Variants in SASH1 observed in about 807,000 individuals in gnomAD.
SASH1 encodes SAM and SH3 domain-containing protein 1.
Under a neutral mutation model 125.2 loss-of-function variants are expected in SASH1, and 44 were observed. The observed-to-expected ratio is 0.35, with a 90% confidence interval of 0.28 to 0.45. SASH1 has a LOEUF of 0.45. Ranked by LOEUF, SASH1 falls within the 20% of genes least tolerant of loss-of-function variation. SASH1 has a pLI of 1.00. For missense variants in SASH1, 1,426 were observed against 1,614.5 expected, an observed-to-expected ratio of 0.88 and a Z score of 2.00; for synonymous variants, 639 against 649.1, an observed-to-expected ratio of 0.98 and a Z score of 0.24.
intron 8 of SASH1, among the ~76,000 whole-genome samples, chr6:148,499,097 G>T (rs549623802): frequency 4.1e-4 from 58 of 139,876 alleles, no homozygotes; most frequent in African/African-American, 1.4e-3. Context: ...TCACTCTGTC[G>T]CCCAAGCTGG....
the SASH1 span, among the ~76,000 whole-genome samples, chr6:148,193,502 T>A: frequency 4.6e-5 from 7 of 152,216 alleles, no homozygotes; most frequent in African/African-American, 1.7e-4. Flanking sequence ...GCTAAAATGT[T>A]TGCTTCCCTG....
intron 11 of SASH1, among the ~76,000 whole-genome samples, chr6:148,526,712 A>C (rs1781184552): frequency 6.6e-6 from 1 of 152,188 alleles, no homozygotes; most frequent in Admixed American, 6.5e-5. Flanking sequence ...TTACACACTG[A>C]GTGCTATGGT....
At chr6:148,525,153 A>G (rs1220887776) in intron 10 of SASH1, 138 bp from the exon 11 acceptor site, 3 of 678,416 alleles carry the variant, frequency 4.4e-6, no homozygotes, top group African/African-American at 3.6e-5. Context: ...TTTTCTCATC[A>G]TTTCTCGTTT....
the SASH1 span, among the ~76,000 whole-genome samples, chr6:148,262,470 G>C: frequency 1.3e-5 from 2 of 152,076 alleles, no homozygotes; most frequent in Non-Finnish European, 2.9e-5. Context: ...CTCCCTGTTG[G>C]CTTGACAGTG....
chr6:148,334,850 T>C (rs577321783), intron 1 of SASH1, among the ~76,000 whole-genome samples: 1 of 150,422 alleles, frequency 6.6e-6, no homozygotes, highest in Non-Finnish European at 1.5e-5. Flanking sequence ...AGCGGGAACC[T>C]GTAATTCCAG....
At chr6:148,285,950 A>T (rs1165549978) in intron 1 of SASH1, among the ~76,000 whole-genome samples, 1 of 152,154 alleles carries the variant, frequency 6.6e-6, no homozygotes, top group African/African-American at 2.4e-5. Flanking sequence ...ATTGAAGTTT[A>T]GTTCTATAAG....
At position 148,389,655 on chromosome 6, in the gene SASH1, G is replaced by T. The variant is rs192059767; in HGVS notation, c.157-479G>T. 4.3e-3 allele frequency among the ~76,000 whole-genome samples: 652 copies of T among 152,260 alleles called. 4 individuals are homozygous for T. The highest frequency in any genetic ancestry group is 7.9e-3 in the South Asian group (38 of 4,824). On this transcript the variant is annotated intron_variant, in intron 1 of 19. Transcript: ENST00000367467. ...GGCTCCCATCAGAATCCCTGGGAGG[G>T]GTCCTGACATCTCTTTTATGAGCTT...
chr6:148,454,546 G>A (rs1283592320), intron 4 of SASH1, among the ~76,000 whole-genome samples: 1 of 152,202 alleles, frequency 6.6e-6, no homozygotes, highest in Admixed American at 6.5e-5. Flanking sequence ...GAGGAAGGAA[G>A]TTCCTGGTGG....
intron 1 of SASH1, among the ~76,000 whole-genome samples, chr6:148,343,480 C>G (rs1012231812): frequency 6.6e-6 from 1 of 152,144 alleles, no homozygotes; most frequent in African/African-American, 2.4e-5. Context: ...TCTGGGACAC[C>G]TGCTGACATG....
chr6:148,356,908 G>T (rs1781967286), intron 1 of SASH1, among the ~76,000 whole-genome samples: 1 of 152,134 alleles, frequency 6.6e-6, no homozygotes, highest in Non-Finnish European at 1.5e-5. Context: ...GTATTACATT[G>T]GGGTTTTGAT....
chr6:148,533,403 A>G lies in SASH1; in HGVS notation c.1735-368A>G, dbSNP rs888724226. ...GGCCGGGATTGCCACTGGTTAGGAC[A>G]GGTGGGAAGTGCCTCCTCTAAGAAG... On this transcript the variant is annotated intron_variant, in intron 14 of 19. Coordinates refer to ENST00000367467, the MANE Select transcript of SASH1 (RefSeq NM_015278.5). This position sits in a 1 kb window ranked among gnomAD's most constrained non-coding sequence, Gnocchi z 6.2. 1.3e-5 allele frequency among the ~76,000 whole-genome samples: 2 copies of G among 152,198 alleles called. No individual in the cohort carries two copies. Among genetic ancestry groups the G allele is most frequent in the African/African-American group, 4.8e-5 (2 of 41,460 alleles).
At chr6:148,368,593 T>A (rs2114735548) in intron 1 of SASH1, among the ~76,000 whole-genome samples, 1 of 152,244 alleles carries the variant, frequency 6.6e-6, no homozygotes, top group Non-Finnish European at 1.5e-5. Flanking sequence ...TTGTTAGCCA[T>A]GTGGCAGTGG....
upstream of SASH1, among the ~76,000 whole-genome samples, chr6:148,341,636 C>T (rs1457377228): frequency 2.6e-5 from 4 of 152,070 alleles, no homozygotes; most frequent in African/African-American, 9.7e-5. Flanking sequence ...GCTCTTATCC[C>T]CTTTCAAGTG....
At chr6:148,241,892 C>T in the SASH1 span, among the ~76,000 whole-genome samples, 6 of 152,178 alleles carry the variant, frequency 3.9e-5, no homozygotes, top group Non-Finnish European at 5.9e-5. Flanking sequence ...ATTACTGGCA[C>T]AGCAGCAAGC....
intron 16 of SASH1, among the ~76,000 whole-genome samples, chr6:148,535,938 A>C (rs1781818083): frequency 6.6e-6 from 1 of 152,086 alleles, no homozygotes. Context: ...CGTGGAAGCA[A>C]GTGTCATTAG....
chr6:148,286,246 A>G (rs1779479185), intron 1 of SASH1, among the ~76,000 whole-genome samples: 1 of 152,000 alleles, frequency 6.6e-6, no homozygotes, highest in Admixed American at 6.6e-5. Context: ...TTTTAAAATA[A>G]TTCCATTAGC....
At chr6:148,393,574 A>G (rs1416172944) in intron 2 of SASH1, 1 of 404,702 alleles carries the variant, frequency 2.5e-6, no homozygotes, top group Non-Finnish European at 3.3e-6. Context: ...GGCAGCTTCT[A>G]GGTAGGAGAG....
chr6:148,391,628 T>G (rs1279385367), intron 2 of SASH1, among the ~76,000 whole-genome samples: 1 of 152,236 alleles, frequency 6.6e-6, no homozygotes, highest in Non-Finnish European at 1.5e-5. Context: ...TTTATGTGTA[T>G]AATCAGAGAT....
intron 7 of SASH1, among the ~76,000 whole-genome samples, chr6:148,477,063 A>G (rs78130195): frequency 5.8e-3 from 879 of 152,322 alleles, no homozygotes; most frequent in Non-Finnish European, 9.4e-3. Flanking sequence ...GAAAAATCTA[A>G]TCAAAATGGA....
Sources: gnomAD v4.1 joint callset for allele counts (sites outside exome capture counted in the v4.1 genomes callset) on GRCh38, gnomAD v4.1.1 for gene constraint, Gnocchi (gnomAD v3.1) non-coding constraint, MANE v1.5 for transcripts, NCBI Gene and HGNC (gene_info 2026-07-23, HGNC 2026-07-21) for gene names.